The following UBE3A variants were observed in gnomAD, a reference collection of about 807,000 sequenced individuals.
UBE3A encodes the protein ubiquitin protein ligase E3A, also known as ubiquitin-protein ligase E3A.
Under a neutral mutation model 83.4 loss-of-function variants are expected in UBE3A, and 6 were observed. The ratio of observed to expected loss-of-function variants is 0.07; its 90% CI spans 0.04 to 0.14. UBE3A has a LOEUF of 0.14. Among genes scored for constraint, UBE3A ranks in the 10% least tolerant of loss-of-function variants. The pLI, the probability that UBE3A is intolerant of heterozygous loss-of-function variation, is 1.00. For synonymous variants in UBE3A, 337 were observed against 355.4 expected (o/e 0.95, Z 0.58); for missense variants, 456 against 1,036.1 (o/e 0.44, Z 7.69).
chr15:25,431,658 C>T (rs1396700403), intron 1 of UBE3A, among the ~76,000 whole-genome samples: 1 of 152,030 alleles, frequency 6.6e-6, no homozygotes, highest in Non-Finnish European at 1.5e-5. Context: ...AGCATATTTT[C>T]AATCACCAAC....
intron 6 of UBE3A, among the ~76,000 whole-genome samples, chr15:25,362,742 G>A (rs896795213): frequency 6.6e-6 from 1 of 152,186 alleles, no homozygotes; most frequent in Non-Finnish European, 1.5e-5. Flanking sequence ...TCAAATGTGG[G>A]ACCAGGCCAA....
Position 25,337,876 on chromosome 15 carries a change from A to AGTAAT in UBE3A, c.*1256_*1260dup, listed in dbSNP as rs2074084768. On this transcript the variant is annotated 3_prime_UTR_variant, in exon 13 of 13. Transcript: ENST00000648336. The stretch of plus-strand genomic sequence containing the variant: ...GGGAAACTACTTACTTCTGGAAATC[A>AGTAAT]GTAATGTAAACCTACTTGTACTTTT... The AGTAAT allele has an allele frequency of 6.6e-6, 1 of 152,228 alleles. No individual in the cohort carries two copies. The highest frequency in any genetic ancestry group is 2.4e-5 in the African/African-American group (1 of 41,472). The allele number at this position is 152,228 out of a possible 1,614,324, so 9.4% of individuals were successfully genotyped here.
chr15:25,384,530 T>C (rs12906457), intron 4 of UBE3A, among the ~76,000 whole-genome samples: 3,163 of 150,080 alleles, frequency 0.021, 40 homozygotes, highest in Non-Finnish European at 0.032. Context: ...TACAAATAAA[T>C]GGAAAGACAT....
At chr15:25,404,152 T>A (rs1484146301) in intron 4 of UBE3A, among the ~76,000 whole-genome samples, 2 of 152,242 alleles carry the variant, frequency 1.3e-5, no homozygotes, top group Non-Finnish European at 2.9e-5. Context: ...TTGGGTCACA[T>A]AAATTTGAGA....
At chr15:25,420,870 G>A (rs1179447876) in intron 1 of UBE3A, 1 of 152,104 alleles carries the variant, frequency 6.6e-6, no homozygotes, top group Non-Finnish European at 1.5e-5. Context: ...GTTCATAGCA[G>A]CATCATTCAC....
chr15:25,403,396 C>T (rs2087656882), intron 4 of UBE3A, among the ~76,000 whole-genome samples: 1 of 152,108 alleles, frequency 6.6e-6, no homozygotes, highest in African/African-American at 2.4e-5. Flanking sequence ...CCTACAGTAA[C>T]ATACTACCTT....
chr15:25,340,618 T>G (rs955742130), intron 11 of UBE3A, among the ~76,000 whole-genome samples: 1 of 152,142 alleles, frequency 6.6e-6, no homozygotes, highest in African/African-American at 2.4e-5. Context: ...CAGGTGCCTT[T>G]GGGTATATAT....
At chr15:25,377,210 C>T (rs558081097) in intron 4 of UBE3A, among the ~76,000 whole-genome samples, 4 of 152,226 alleles carry the variant, frequency 2.6e-5, no homozygotes, top group South Asian at 2.1e-4. Flanking sequence ...AAGAAACACA[C>T]GAGATCCAAT....
intron 11 of UBE3A, among the ~76,000 whole-genome samples, chr15:25,352,264 G>C (rs1303331943): frequency 6.6e-6 from 1 of 152,176 alleles, no homozygotes; most frequent in Non-Finnish European, 1.5e-5. Flanking sequence ...GCAACTTTTA[G>C]TTGAAATGTA....
chr15:25,401,527 T>C (rs758046134), intron 4 of UBE3A, among the ~76,000 whole-genome samples: 9 of 152,152 alleles, frequency 5.9e-5, no homozygotes, highest in Non-Finnish European at 1.2e-4. Context: ...CTTGGACAAG[T>C]TGCATGTGTC....
chr15:25,424,792 A>C (rs936687446), intron 1 of UBE3A, among the ~76,000 whole-genome samples: 1 of 152,228 alleles, frequency 6.6e-6, no homozygotes, highest in African/African-American at 2.4e-5. Flanking sequence ...TAAAATTCTT[A>C]GAAATAAATT....
intron 7 of UBE3A, among the ~76,000 whole-genome samples, chr15:25,359,418 CGTGTGTGTGTGTGTGTGTGTGT>C (rs60677664): frequency 5.0e-5 from 7 of 139,016 alleles, no homozygotes; most frequent in Admixed American, 7.4e-5. Flanking sequence ...ATAAGGGATG[CGTGTGTGTGTGTGTGTGTGTGT>C]GTGTGTGTGT....
At chr15:25,355,278 G>A (rs889578051) in intron 9 of UBE3A, among the ~76,000 whole-genome samples, 3 of 152,136 alleles carry the variant, frequency 2.0e-5, no homozygotes, top group African/African-American at 7.2e-5. Context: ...AGTACTGACT[G>A]ACACATAAAC....
chr15:25,334,780 A>G lies in UBE3A; in HGVS notation c.*4357T>C, dbSNP rs2073880816. 1 of 152,242 alleles carries G rather than the reference A, an allele frequency of 6.6e-6. No individual in the cohort carries two copies. Among genetic ancestry groups the G allele is most frequent in the Non-Finnish European group, 1.5e-5 (1 of 68,042 alleles). The allele number at this position is 152,242 out of a possible 1,614,324, so 9.4% of individuals were successfully genotyped here. A position where few individuals can be genotyped will look rare whatever the true frequency, so the allele number is the denominator to read the frequency against. ...TCAACTGTTCTTTGACAAGGGTACC[A>G]GGACCATTCATGGGGAAATAATAGT... On this transcript the variant is annotated 3_prime_UTR_variant, in exon 13 of 13. Coordinates refer to ENST00000648336, the MANE Select transcript of UBE3A (RefSeq NM_130839.5).
chr15:25,395,253 T>G (rs2085291892), intron 4 of UBE3A, among the ~76,000 whole-genome samples: 1 of 152,174 alleles, frequency 6.6e-6, no homozygotes, highest in Admixed American at 6.5e-5. Context: ...GATTTTACTT[T>G]TAAGATGGGA....
At chr15:25,437,399 G>A (rs1395031292) in intron 1 of UBE3A, among the ~76,000 whole-genome samples, 1 of 152,134 alleles carries the variant, frequency 6.6e-6, no homozygotes, top group African/African-American at 2.4e-5. Context: ...GTACCTTTGT[G>A]TCTCTGACAG....
intron 3 of UBE3A, chr15:25,408,717 G>C (rs375540355): frequency 8.7e-4 from 1,321 of 1,523,682 alleles, no homozygotes; most frequent in Non-Finnish European, 1.0e-3. Flanking sequence ...TTTTATTAAT[G>C]TTATAAAAAC....
At chr15:25,348,889 A>G (rs780428330) in intron 11 of UBE3A, among the ~76,000 whole-genome samples, 26 of 152,234 alleles carry the variant, frequency 1.7e-4, no homozygotes, top group Non-Finnish European at 3.7e-4. Flanking sequence ...CTCCAAATTG[A>G]CCTGCCCCAG....
At chr15:25,388,595 T>C (rs966524596) in intron 4 of UBE3A, among the ~76,000 whole-genome samples, 10 of 151,876 alleles carry the variant, frequency 6.6e-5, no homozygotes, top group Non-Finnish European at 7.4e-5. Context: ...ATACTGGAAG[T>C]CCTAGCTAAG....
Sources: gnomAD v4.1 joint callset for allele counts (sites outside exome capture counted in the v4.1 genomes callset) on GRCh38, gnomAD v4.1.1 for gene constraint, MANE v1.5 for transcripts, NCBI Gene and HGNC (gene_info 2026-07-23, HGNC 2026-07-21) for gene names.